Variants in PSPC1 observed in about 807,000 individuals in gnomAD.
The protein encoded by PSPC1 is paraspeckle component 1.
A neutral mutation model predicts 51.6 loss-of-function variants in PSPC1; 14 were observed. The ratio of observed to expected loss-of-function variants is 0.27; its 90% CI spans 0.18 to 0.42. The LOEUF is 0.42. Ranked by LOEUF, PSPC1 falls within the 10% of genes least tolerant of loss-of-function variation. The pLI is 1.00. For synonymous variants in PSPC1, 193 were observed against 231.9 expected (o/e 0.83, Z 1.53); for missense variants, 406 against 701.1 (o/e 0.58, Z 4.75).
At chr13:19,693,937 C>T (rs1174561102) in intron 6 of PSPC1, among the ~76,000 whole-genome samples, 6 of 151,914 alleles carry the variant, frequency 3.9e-5, no homozygotes, top group Non-Finnish European at 8.8e-5. Flanking sequence ...TGCTGGCTAA[C>T]ACGGTGAAAC....
chr13:19,767,795 GA>G (rs778836656), intron 2 of PSPC1, among the ~76,000 whole-genome samples: 56 of 152,040 alleles, frequency 3.7e-4, no homozygotes, highest in Non-Finnish European at 7.5e-4. Flanking sequence ...GAAAACATGA[GA>G]AAAGCTCTGC....
intron 6 of PSPC1, among the ~76,000 whole-genome samples, chr13:19,681,161 G>A (rs1877229220): frequency 6.6e-6 from 1 of 152,106 alleles, no homozygotes; most frequent in Admixed American, 6.5e-5. Context: ...GCTGCAGTGA[G>A]CTATGATCAA....
chr13:19,759,291 C>T, intron 3 of PSPC1, 32 bp downstream of exon 3: 1 of 1,508,190 alleles, frequency 6.6e-7, no homozygotes, highest in Non-Finnish European at 9.2e-7. Context: ...CTTAATAGTA[C>T]AGACACAAAT....
intron 5 of PSPC1, among the ~76,000 whole-genome samples, chr13:19,736,011 A>G (rs994751279): frequency 1.3e-5 from 2 of 151,906 alleles, no homozygotes; most frequent in Admixed American, 1.3e-4. Context: ...TAGTAAAGAC[A>G]GGGTTTCACC....
intron 6 of PSPC1, among the ~76,000 whole-genome samples, chr13:19,687,126 G>GGGAGGC (rs1385889583): frequency 1.3e-5 from 2 of 152,176 alleles, no homozygotes; most frequent in Non-Finnish European, 2.9e-5. Context: ...ACTTGAATCC[G>GGGAGGC]GGAGGCGGAG....
At chr13:19,716,494 T>C (rs1882106645) in intron 6 of PSPC1, among the ~76,000 whole-genome samples, 1 of 152,212 alleles carries the variant, frequency 6.6e-6, no homozygotes, top group Non-Finnish European at 1.5e-5. Flanking sequence ...GCACAATCAA[T>C]ACTCTTTTTT....
intron 5 of PSPC1, among the ~76,000 whole-genome samples, chr13:19,738,583 T>C (rs770153925): frequency 1.3e-5 from 2 of 152,176 alleles, no homozygotes; most frequent in Non-Finnish European, 2.9e-5. Flanking sequence ...ATAAAGGCTA[T>C]GTAAATAGTT....
At chr13:19,696,107 C>T (rs946855760) in intron 6 of PSPC1, among the ~76,000 whole-genome samples, 3 of 152,004 alleles carry the variant, frequency 2.0e-5, no homozygotes, top group African/African-American at 7.3e-5. Context: ...GCACCTTCTC[C>T]AAACCAAACC....
At chr13:19,758,403 A>G (rs1331504731) in intron 3 of PSPC1, among the ~76,000 whole-genome samples, 1 of 151,972 alleles carries the variant, frequency 6.6e-6, no homozygotes. Flanking sequence ...ACATTTTGAA[A>G]ATGAGCTATT....
At chr13:19,718,464 C>T (rs1324088761) in intron 6 of PSPC1, among the ~76,000 whole-genome samples, 3 of 152,072 alleles carry the variant, frequency 2.0e-5, no homozygotes, top group East Asian at 1.9e-4. Context: ...GGTGACAATC[C>T]GAAACACTGA....
intron 1 of PSPC1, 87 bp from the exon 2 acceptor site, chr13:19,772,630 T>A: frequency 2.3e-6 from 3 of 1,308,784 alleles, no homozygotes; most frequent in South Asian, 2.9e-5. Flanking sequence ...GAACTAGGTA[T>A]CTTTAGCAAA....
chr13:19,730,087 TGA>T (rs1012407336), intron 6 of PSPC1, 150 bp downstream of exon 6: 3 of 599,574 alleles, frequency 5.0e-6, no homozygotes, highest in Non-Finnish European at 8.6e-6. Context: ...TTACCACCTA[TGA>T]GAGGTTAAGA....
intron 6 of PSPC1, among the ~76,000 whole-genome samples, chr13:19,722,378 C>T (rs570897866): frequency 1.3e-5 from 2 of 152,090 alleles, no homozygotes; most frequent in African/African-American, 4.8e-5. Context: ...CACACACCTG[C>T]AGTCCCAACT....
intron 2 of PSPC1, among the ~76,000 whole-genome samples, chr13:19,765,341 AATAATT>A (rs1285153565): frequency 5.3e-5 from 7 of 132,640 alleles, no homozygotes; most frequent in Admixed American, 2.2e-4. Flanking sequence ...TAATAATAAT[AATAATT>A]ATTATTATTA....
chr13:19,687,512 C>G (rs373817747), intron 6 of PSPC1, among the ~76,000 whole-genome samples: 3 of 152,150 alleles, frequency 2.0e-5, no homozygotes, highest in Non-Finnish European at 2.9e-5. Flanking sequence ...AGATCTTTTC[C>G]CCGAGCATCA....
chr13:19,734,801 CAA>C, intron 5 of PSPC1, among the ~76,000 whole-genome samples: 1 of 146,466 alleles, frequency 6.8e-6, no homozygotes, highest in Admixed American at 6.8e-5. Flanking sequence ...GATTCCTTCT[CAA>C]AAAAAAAATA....
chr13:19,704,524 A>G (rs1394310701), intron 8 of PSPC1, among the ~76,000 whole-genome samples: 2 of 152,298 alleles, frequency 1.3e-5, no homozygotes, highest in Non-Finnish European at 2.9e-5. Context: ...TCTTAGCAGC[A>G]TTGGCGCCTC....
chr13:19,705,227 G>A (rs1351773453), intron 8 of PSPC1, among the ~76,000 whole-genome samples: 2 of 152,256 alleles, frequency 1.3e-5, no homozygotes, highest in East Asian at 1.9e-4. Flanking sequence ...GGACGCGGTG[G>A]CTCACGCCTG....
chr13:19,754,947 T>C (rs1886920451), intron 3 of PSPC1, among the ~76,000 whole-genome samples: 1 of 152,084 alleles, frequency 6.6e-6, no homozygotes, highest in Non-Finnish European at 1.5e-5. Flanking sequence ...AAAAATGGCA[T>C]TGTGGCCAGG....
Sources: gnomAD v4.1 joint callset for allele counts (sites outside exome capture counted in the v4.1 genomes callset) on GRCh38, gnomAD v4.1.1 for gene constraint, MANE v1.5 for transcripts, NCBI Gene and HGNC (gene_info 2026-07-23, HGNC 2026-07-21) for gene names.